Variants in GOLGB1 observed in about 807,000 individuals in gnomAD.
The protein encoded by GOLGB1 is golgin B1, also known as golgin subfamily B member 1.
A neutral mutation model predicts 336.9 loss-of-function variants in GOLGB1; 174 were observed. The ratio of observed to expected loss-of-function variants is 0.52; its 90% CI spans 0.46 to 0.59. GOLGB1 has a LOEUF of 0.59. Ranked by LOEUF, GOLGB1 falls within the 20% of genes least tolerant of loss-of-function variation. The pLI, the probability that GOLGB1 is intolerant of heterozygous loss-of-function variation, is 0.00. For synonymous variants in GOLGB1, 1,208 were observed against 1,289.2 expected (o/e 0.94, Z 1.35); for missense variants, 3,331 against 3,645.3 (o/e 0.91, Z 2.22).
At chr3:121,685,342 C>G (rs879302453) in intron 14 of GOLGB1, among the ~76,000 whole-genome samples, 1 of 152,078 alleles carries the variant, frequency 6.6e-6, no homozygotes, top group African/African-American at 2.4e-5. Context: ...TGAGACCACC[C>G]TGGCCAACAT....
At chr3:121,721,001 G>C (rs1057363694) in intron 6 of GOLGB1, among the ~76,000 whole-genome samples, 1 of 152,056 alleles carries the variant, frequency 6.6e-6, no homozygotes, top group African/African-American at 2.4e-5. Flanking sequence ...ACACATGTAT[G>C]TATCTTGGCT....
chr3:121,716,541 T>C (rs1944788406), intron 9 of GOLGB1, among the ~76,000 whole-genome samples, 196 bp downstream of exon 9: 2 of 152,338 alleles, frequency 1.3e-5, no homozygotes, highest in South Asian at 2.1e-4. Context: ...GTAATGATAA[T>C]TATAATATTA....
intron 20 of GOLGB1, among the ~76,000 whole-genome samples, chr3:121,667,270 G>T (rs1938755574): frequency 6.6e-6 from 1 of 152,158 alleles, no homozygotes; most frequent in Non-Finnish European, 1.5e-5. Flanking sequence ...TATTCTCTAA[G>T]AACAACTGTT....
intron 10 of GOLGB1, among the ~76,000 whole-genome samples, chr3:121,704,640 G>A (rs572228867): frequency 6.6e-6 from 1 of 151,958 alleles, no homozygotes; most frequent in Non-Finnish European, 1.5e-5. Flanking sequence ...GCCAGGCGTG[G>A]TGACTCACGC....
At chr3:121,678,146 G>T (rs1208958665) in intron 15 of GOLGB1, among the ~76,000 whole-genome samples, 3 of 152,006 alleles carry the variant, frequency 2.0e-5, no homozygotes, top group South Asian at 2.1e-4. Flanking sequence ...CAAAAAATTT[G>T]TTCTTGTATT....
rs552909468 is a variant in GOLGB1, at chr3:121,700,343, A to G, written c.1520-458T>C. ...GCTATCCTATCTCCTCAATGATCAT[A>G]TAAGGAAACAAAGAAATGACACAAC... On this transcript the variant is annotated intron_variant, in intron 11 of 21. Coordinates refer to ENST00000614479, the MANE Select transcript of GOLGB1 (RefSeq NM_001366282.2). 1.3e-4 allele frequency among the ~76,000 whole-genome samples: 20 copies of G among 152,224 alleles called. No homozygotes were observed. The South Asian group carries it at 2.9e-3, about 22-fold the overall frequency.
chr3:121,693,939 A>G lies in GOLGB1; in HGVS notation c.6584T>C (p.Phe2195Ser). The G allele has an allele frequency of 6.2e-7, 1 of 1,614,052 alleles. No individual in the cohort carries two copies. Among genetic ancestry groups the G allele is most frequent in the Non-Finnish European group, 8.5e-7 (1 of 1,179,922 alleles). Residue 2195 changes from phenylalanine (F) to serine (S), a missense_variant, in exon 13 of 22, where the codon TTT becomes TCT. Transcript: ENST00000614479. ...CTGGAGGGAAGACATGCTCTTAGTA[A>G]AGGCTGCAAGCTGGGTCACAGTACT... Reference protein sequence around the residue: ...LDSTVTQLAAFTKSMSSLQDD... With the variant: ...LDSTVTQLAASTKSMSSLQDD...
At chr3:121,744,841 A>T (rs1027926579) in intron 1 of GOLGB1, among the ~76,000 whole-genome samples, 1 of 152,150 alleles carries the variant, frequency 6.6e-6, no homozygotes, top group Non-Finnish European at 1.5e-5. Flanking sequence ...AGTCTCAGAG[A>T]TCCACAGGAA....
rs1469001475 is a variant in GOLGB1, at chr3:121,696,961, C to A, written c.3562G>T (p.Ala1188Ser). ...AGAATTGCCTTGCGGGAGGTTAAGG[C>A]TTCCTGTAGCTTCTTTTGAAGTTGC... ...KEQLQKKLQEALTSRKAILKK... is the reference protein window; with the variant it reads ...KEQLQKKLQESLTSRKAILKK... The change falls in exon 13 of 22, where the codon GCC (alanine) becomes TCC (serine). Residue 1188 changes from alanine (A) to serine (S), a missense_variant. Transcript: ENST00000614479. The A allele has an allele frequency of 4.3e-6, 7 of 1,614,024 alleles. No homozygotes were observed. The highest frequency in any genetic ancestry group is 1.1e-5 in the South Asian group (1 of 91,080).
At chr3:121,730,837 A>T (rs752985800) in intron 2 of GOLGB1, 39 bp downstream of exon 2, 46 of 1,583,358 alleles carry the variant, frequency 2.9e-5, no homozygotes, top group Non-Finnish European at 3.9e-5. Context: ...AACACAGAAC[A>T]TATGTCTTAC....
Position 121,718,377 on chromosome 3 carries a change from A to G in GOLGB1, c.885+11T>C. 1.3e-6 allele frequency: 2 copies of G among 1,559,998 alleles called. No homozygotes were observed. Among genetic ancestry groups the G allele is most frequent in the South Asian group, 1.1e-5 (1 of 89,672 alleles). The stretch of plus-strand genomic sequence containing the variant: ...CCTCCAAGGCAGGAAGTAAAGATTA[A>G]AAGGCAGTACCTGGTTTCTCTGCTC... On this transcript the variant is annotated intron_variant, in intron 8 of 21. Transcript: ENST00000614479.
chr3:121,696,621 C>T lies in GOLGB1; in HGVS notation c.3902G>A (p.Ser1301Asn), dbSNP rs777928373. ...PDWPSHSEDA[S>N]ALQGGTSVAQ... is the part of the protein sequence containing the mutation. Reference sequence around the variant, plus strand: ...AACAGAAGTTCCGCCCTGCAGAGCACTCGCATCTTCAGAATGAGAAGGCCA... The same window carrying T: ...AACAGAAGTTCCGCCCTGCAGAGCATTCGCATCTTCAGAATGAGAAGGCCA... Residue 1301 changes from serine (S) to asparagine (N), a missense_variant, in exon 13 of 22, where the codon AGT becomes AAT. Transcript: ENST00000614479. The T allele has an allele frequency of 2.5e-6, 4 of 1,614,180 alleles. 1 individual carries two copies. In the South Asian group the frequency reaches 4.4e-5, roughly 18 times the overall value.
Position 121,695,190 on chromosome 3 carries a change from A to C in GOLGB1, c.5333T>G (p.Leu1778Arg), listed in dbSNP as rs1422175740. Residue 1778 changes from leucine to arginine, a missense_variant, in exon 13 of 22, where the codon CTA (leucine) becomes CGA (arginine). By Grantham distance (102) the Leu-to-Arg change is moderately radical. Transcript: ENST00000614479. ...GTTATCATGTTTCTCGGTGGCCTCT[A>C]GGTTAGCTTGTTTAGATACATTACC... Reference protein sequence around the residue: ...IEGNVSKQANLEATEKHDNQT... With the variant: ...IEGNVSKQANREATEKHDNQT... The C allele has an allele frequency of 1.9e-6, 3 of 1,609,168 alleles. No individual in the cohort carries two copies. The highest frequency in any genetic ancestry group is 4.5e-5 in the East Asian group (2 of 44,588).
intron 1 of GOLGB1, among the ~76,000 whole-genome samples, chr3:121,731,450 G>A (rs1946108878): frequency 6.6e-6 from 1 of 150,938 alleles, no homozygotes; most frequent in African/African-American, 2.4e-5. Context: ...TGCAACCTCT[G>A]CTTTCTGGGC....
At chr3:121,674,693 C>T (rs1325295293) in intron 17 of GOLGB1, among the ~76,000 whole-genome samples, 20 of 152,184 alleles carry the variant, frequency 1.3e-4, no homozygotes, top group Non-Finnish European at 1.5e-5. Context: ...TTAGCTGGGA[C>T]TCATTCAGAG....
At chr3:121,716,154 T>C (rs12489110) in intron 9 of GOLGB1, among the ~76,000 whole-genome samples, 15,367 of 152,248 alleles carry the variant, frequency 0.1, 847 homozygotes, top group South Asian at 0.16. Context: ...AGTATTGGTG[T>C]TGAGGAAGTT....
At chr3:121,746,851 C>T (rs1947325494) in intron 1 of GOLGB1, among the ~76,000 whole-genome samples, 1 of 151,758 alleles carries the variant, frequency 6.6e-6, no homozygotes, top group African/African-American at 2.4e-5. Flanking sequence ...GGTGAGTAAA[C>T]TAAGGCAGAG....
intron 4 of GOLGB1, 28 bp from the exon 5 acceptor site, chr3:121,727,069 T>C (rs779649516): frequency 6.8e-6 from 9 of 1,325,470 alleles, no homozygotes; most frequent in Non-Finnish European, 9.3e-6. Context: ...AAAGTCATTA[T>C]TTAAAAGAAT....
Position 121,722,397 on chromosome 3 carries a change from T to C in GOLGB1, c.532-19A>G, listed in dbSNP as rs763965701. The stretch of plus-strand genomic sequence containing the variant: ...TAGAACTCTTATCAAACCGAAGACA[T>C]AGAAGGAAAAAAAATTATTTAAGCA... On this transcript the variant is annotated intron_variant, in intron 5 of 21. Transcript: ENST00000614479. 10 of 1,329,948 alleles carry C rather than the reference T, an allele frequency of 7.5e-6. No individual in the cohort carries two copies. The highest frequency in any genetic ancestry group is 2.3e-5 in the East Asian group (1 of 43,544). The allele number at this position is 1,329,948 out of a possible 1,614,324, so 82.4% of individuals were successfully genotyped here. A position where few individuals can be genotyped will look rare whatever the true frequency, so the allele number is the denominator to read the frequency against.
Sources: allele counts gnomAD v4.1 joint callset (sites outside exome capture counted in the v4.1 genomes callset), GRCh38; gene constraint gnomAD v4.1.1; transcripts MANE v1.5; gene names NCBI Gene and HGNC (gene_info 2026-07-23, HGNC 2026-07-21).